USP16: variants seen among roughly 807,000 people sequenced by gnomAD.
The protein encoded by USP16 is ubiquitin specific peptidase 16, also known as ubiquitin carboxyl-terminal hydrolase 16.
In USP16, 77 loss-of-function variants were observed where a neutral mutation model predicts 95.9. The ratio of observed to expected loss-of-function variants is 0.80; its 90% CI spans 0.67 to 0.97. USP16 has a LOEUF of 0.97. Ranked by LOEUF, USP16 falls within the 50% of genes least tolerant of loss-of-function variation. The probability of loss-of-function intolerance (pLI) is 0.00; values close to 1 mark genes in which losing one functional copy is unlikely to be tolerated. For missense variants in USP16, 943 were observed against 959.9 expected (o/e 0.98, Z 0.23); for synonymous variants, 303 against 318.2 (o/e 0.95, Z 0.51).
intron 2 of USP16, among the ~76,000 whole-genome samples, chr21:29,028,767 T>G (rs2085032676): frequency 6.6e-6 from 1 of 152,206 alleles, no homozygotes; most frequent in Admixed American, 6.5e-5. Context: ...TATTATTGCA[T>G]TTAGCAAAGA....
chr21:29,040,044 G>A (rs992259396), intron 9 of USP16, among the ~76,000 whole-genome samples: 5 of 152,158 alleles, frequency 3.3e-5, no homozygotes, highest in Non-Finnish European at 7.4e-5. Context: ...ATGAATTAAT[G>A]AGTACTAATA....
chr21:29,030,852 C>T, intron 3 of USP16, 79 bp downstream of exon 3: 1 of 1,461,660 alleles, frequency 6.8e-7, no homozygotes, highest in Non-Finnish European at 9.2e-7. Flanking sequence ...CCTGAAAGTA[C>T]AGTATGGATA....
rs745319324 is a variant in USP16 at position 29,040,560 on chromosome 21, T to C, written c.952-49T>C. On this transcript the variant is annotated intron_variant, in intron 9 of 17. Coordinates refer to ENST00000399976, the MANE Select transcript of USP16 (RefSeq NM_006447.3). ...CTTGATTACATATTTCTAAGGAAAA[T>C]AAAATTTAAAATTTAATAGTATATA... 6 of 785,558 alleles carry C rather than the reference T, an allele frequency of 7.6e-6. No homozygotes were observed. In the Admixed American group the frequency reaches 2.4e-4, roughly 31 times the overall value. The allele number at this position is 785,558 out of a possible 1,614,324, so 48.7% of individuals were successfully genotyped here.
chr21:29,049,465 AT>A (rs1357575415), intron 15 of USP16, among the ~76,000 whole-genome samples: 1 of 152,244 alleles, frequency 6.6e-6, no homozygotes, highest in Non-Finnish European at 1.5e-5. Flanking sequence ...GAAAAGTATT[AT>A]GCTATCGCTG....
intron 4 of USP16, 26 bp downstream of exon 4, chr21:29,034,966 G>T: frequency 1.3e-6 from 2 of 1,580,784 alleles, no homozygotes; most frequent in South Asian, 1.1e-5. Flanking sequence ...TCTGCCTCTT[G>T]GGTGGAAATT....
Position 29,038,442 on chromosome 21 carries a change from A to C in USP16, c.732+12A>C. 1 of 1,572,644 alleles carries C rather than the reference A, an allele frequency of 6.4e-7. No homozygotes were observed. The highest frequency in any genetic ancestry group is 8.7e-7 in the Non-Finnish European group (1 of 1,145,656). On this transcript the variant is annotated intron_variant, in intron 7 of 17. Coordinates refer to ENST00000399976, the MANE Select transcript of USP16 (RefSeq NM_006447.3). Reference sequence around the variant, plus strand: ...ATTTGGCATTAACAGTATGTTCTTTAAACTTTTCTAGTCTGTAACTTTCCT... The same window carrying C: ...ATTTGGCATTAACAGTATGTTCTTTCAACTTTTCTAGTCTGTAACTTTCCT...
At position 29,042,052 on chromosome 21, in the gene USP16, G is replaced by C. The variant is rs780556874; in HGVS notation, c.1070G>C (p.Arg357Pro). The change falls in exon 11 of 18, where the codon CGC becomes CCC. Residue 357 changes from arginine to proline, a missense_variant. By Grantham distance (103) the Arg-to-Pro change is moderately radical. Transcript: ENST00000399976. The stretch of plus-strand genomic sequence containing the variant: ...AAATCAATGCCAAGTTTTGTTGACC[G>C]CATCTTTGGTGGTGAACTAACTAGT... Reference protein sequence around the residue: ...KKKSMPSFVDRIFGGELTSMI... With the variant: ...KKKSMPSFVDPIFGGELTSMI... 1.2e-6 allele frequency: 2 copies of C among 1,613,032 alleles called. No individual in the cohort carries two copies. Among genetic ancestry groups the C allele is most frequent in the East Asian group, 2.2e-5 (1 of 44,802 alleles).
chr21:29,048,048 CGTGTGTGTGTGTGTGTGT>C (rs67919060), intron 14 of USP16, among the ~76,000 whole-genome samples: 43 of 123,794 alleles, frequency 3.5e-4, no homozygotes, highest in South Asian at 1.2e-3. Context: ...AGAGACGATA[CGTGTGTGTGTGTGTGTGT>C]GTGTGTGTGT....
rs1347873009 is a variant in USP16 at position 29,046,773 on chromosome 21, AAGG to A, written c.1466_1468del (p.Gly489del). 1.2e-6 allele frequency: 2 copies of A among 1,614,108 alleles called. No individual in the cohort carries two copies. The highest frequency in any genetic ancestry group is 1.1e-5 in the South Asian group (1 of 91,080). On this transcript the variant is annotated inframe_deletion, in exon 14 of 18. Transcript: ENST00000399976. ...GAATATGAAGCTGAAATGTCACTTC[AAGG>A]AGAAGTAAATATTAAATCCAACCAT... is the stretch of plus-strand genomic sequence containing the variant.
intron 6 of USP16, 25 bp from the exon 7 acceptor site, chr21:29,038,310 C>T: frequency 6.7e-7 from 1 of 1,493,500 alleles, no homozygotes; most frequent in South Asian, 1.2e-5. Flanking sequence ...TAATTTTTCT[C>T]TTTTTTTTTC....
intron 10 of USP16, 145 bp from the exon 11 acceptor site, chr21:29,041,868 G>A (rs1396368640): frequency 3.1e-6 from 2 of 641,898 alleles, no homozygotes; most frequent in East Asian, 5.5e-5. Context: ...CTTAAAAAAG[G>A]TGATTATGAA....
chr21:29,038,700 T>G (rs1300000145), intron 7 of USP16, among the ~76,000 whole-genome samples: 1 of 152,246 alleles, frequency 6.6e-6, no homozygotes, highest in African/African-American at 2.4e-5. Context: ...TACATTATTA[T>G]TTTTAACATC....
chr21:29,039,372 A>G (rs1200781285), intron 8 of USP16, 109 bp from the exon 9 acceptor site: 6 of 1,264,782 alleles, frequency 4.7e-6, no homozygotes, highest in African/African-American at 1.5e-5. Context: ...GGAAATTTGT[A>G]GAAACCAGAA....
intron 2 of USP16, 149 bp downstream of exon 2, chr21:29,028,123 C>CTT (rs35801969): frequency 0.046 from 19,612 of 424,248 alleles, 2 homozygotes; most frequent in Middle Eastern, 0.069. Context: ...TAGTCTTCTA[C>CTT]TTTTTTTTTT....
rs368837459 is a variant in USP16 at position 29,048,176 on chromosome 21, G to A, written c.2012-585G>A. 4.6e-5 allele frequency among the ~76,000 whole-genome samples: 7 copies of A among 151,174 alleles called. No individual in the cohort carries two copies. In the East Asian group the frequency reaches 1.2e-3, roughly 25 times the overall value. ...CAGCTCACTGCAATCTCCACCTCCCGGGTTCAAGAGATTCTCCTGCCTCAG... is the reference window on the plus strand; with the variant it reads ...CAGCTCACTGCAATCTCCACCTCCCAGGTTCAAGAGATTCTCCTGCCTCAG... On this transcript the variant is annotated intron_variant, in intron 14 of 17. Transcript: ENST00000399976.
chr21:29,041,867 G>A (rs1257693004), intron 10 of USP16, 146 bp from the exon 11 acceptor site: 3 of 640,226 alleles, frequency 4.7e-6, no homozygotes, highest in South Asian at 4.0e-5. Context: ...GCTTAAAAAA[G>A]GTGATTATGA....
chr21:29,028,722 A>C (rs1230268885), intron 2 of USP16, among the ~76,000 whole-genome samples: 1 of 152,216 alleles, frequency 6.6e-6, no homozygotes, highest in East Asian at 1.9e-4. Context: ...GGCGTGAGCC[A>C]CCGCGCCCGA....
At chr21:29,049,039 G>A (rs989500321) in intron 15 of USP16, among the ~76,000 whole-genome samples, 184 bp downstream of exon 15, 3 of 152,132 alleles carry the variant, frequency 2.0e-5, no homozygotes, top group Admixed American at 6.5e-5. Flanking sequence ...TGAAGATGGA[G>A]GCACAATCTC....
At position 29,051,522 on chromosome 21, in the gene USP16, A is replaced by G. The variant is rs2085413640; in HGVS notation, c.2193+1344A>G. On this transcript the variant is annotated intron_variant, in intron 16 of 17. Coordinates refer to ENST00000399976, the MANE Select transcript of USP16 (RefSeq NM_006447.3). ...AAGTGAGGACACCACAAAGGATCTC[A>G]AAGAATCTCCATGTTGAAGAATTTG... is the stretch of plus-strand genomic sequence containing the variant. 2.0e-5 allele frequency among the ~76,000 whole-genome samples: 3 copies of G among 152,196 alleles called. 1 individual carries two copies. In the South Asian group the frequency reaches 6.2e-4, roughly 32 times the overall value.
Sources: allele counts gnomAD v4.1 joint callset (sites outside exome capture counted in the v4.1 genomes callset), GRCh38; gene constraint gnomAD v4.1.1; transcripts MANE v1.5; gene names NCBI Gene and HGNC (gene_info 2026-07-23, HGNC 2026-07-21).